The following ARID5B variants were observed in gnomAD, a reference collection of about 807,000 sequenced individuals.
ARID5B encodes the protein AT-rich interactive domain-containing protein 5B.
In ARID5B, 13 loss-of-function variants were observed where a neutral mutation model predicts 97.2. That is an observed-to-expected ratio of 0.13 (90% CI 0.09 to 0.21). The LOEUF (loss-of-function observed/expected upper bound fraction) is 0.21. ARID5B is among the 10% of genes least tolerant of loss of function. The pLI is 1.00. For missense variants in ARID5B, 1,210 were observed against 1,465.3 expected, an observed-to-expected ratio of 0.83 and a Z score of 2.84; for synonymous variants, 556 against 570.3, an observed-to-expected ratio of 0.97 and a Z score of 0.36.
At chr10:62,012,691 A>C (rs914488591) in intron 4 of ARID5B, among the ~76,000 whole-genome samples, 2 of 152,124 alleles carry the variant, frequency 1.3e-5, no homozygotes, top group Non-Finnish European at 2.9e-5. Flanking sequence ...AGTGTTATCG[A>C]TTTCCCTCCA....
intron 2 of ARID5B, among the ~76,000 whole-genome samples, chr10:61,926,365 A>G (rs531048140): frequency 6.6e-6 from 1 of 152,244 alleles, no homozygotes; most frequent in Non-Finnish European, 1.5e-5. Flanking sequence ...GTTTTCCAGA[A>G]AGAAGATGAT....
intron 4 of ARID5B, among the ~76,000 whole-genome samples, chr10:62,007,486 C>G: frequency 6.6e-6 from 1 of 152,134 alleles, no homozygotes; most frequent in East Asian, 1.9e-4. Context: ...AGGGGAGTGA[C>G]AAAATGTGAG....
At chr10:61,983,480 T>A (rs527349570) in intron 3 of ARID5B, among the ~76,000 whole-genome samples, 68 of 152,332 alleles carry the variant, frequency 4.5e-4, no homozygotes, top group African/African-American at 1.5e-3. Flanking sequence ...TTGTGAAAAG[T>A]CGCTAAATGG....
At chr10:61,909,332 T>G (rs925379662) in intron 2 of ARID5B, among the ~76,000 whole-genome samples, 2 of 142,682 alleles carry the variant, frequency 1.4e-5, no homozygotes, top group Non-Finnish European at 3.1e-5. Flanking sequence ...TTTTTTTTTT[T>G]TTTTTTTTTT....
In ARID5B at chr10:62,092,549, G is replaced by A. The variant is rs755680117; in HGVS notation, c.3086G>A (p.Arg1029Gln). 2.5e-6 allele frequency: 4 copies of A among 1,614,162 alleles called. No homozygotes were observed. Among genetic ancestry groups the A allele is most frequent in the East Asian group, 2.2e-5 (1 of 44,878 alleles). ...CTTGTGATTGCAGGGAAAAAGGCCC[G>A]GGCAGTGTCTCCCTTAGACCCATCC... ...LDLVIAGKKA[R>Q]AVSPLDPSKE... is the part of the protein sequence containing the mutation. Residue 1029 changes from arginine to glutamine, a missense_variant, in exon 10 of 10, where the codon CGG (arginine) becomes CAG (glutamine). Physicochemically the swap from Arg to Gln is conservative, Grantham distance 43. Coordinates refer to ENST00000279873, the MANE Select transcript of ARID5B (RefSeq NM_032199.3).
intron 4 of ARID5B, among the ~76,000 whole-genome samples, chr10:62,012,213 G>A (rs1589257634): frequency 6.6e-6 from 1 of 152,024 alleles, no homozygotes; most frequent in African/African-American, 2.4e-5. Flanking sequence ...AAGGAAGCTC[G>A]CGTTAACCAT....
At chr10:62,041,670 C>CAAAAA (rs965684637) in intron 4 of ARID5B, among the ~76,000 whole-genome samples, 1 of 152,008 alleles carries the variant, frequency 6.6e-6, no homozygotes, top group Non-Finnish European at 1.5e-5. Context: ...ACATACACAC[C>CAAAAA]AAAACAAAAA....
intron 3 of ARID5B, among the ~76,000 whole-genome samples, chr10:61,980,012 GA>G (rs1193794331): frequency 5.9e-5 from 9 of 152,048 alleles, no homozygotes; most frequent in Admixed American, 3.3e-4. Flanking sequence ...AGAATCACTT[GA>G]ACCCGGGAGG....
At chr10:62,073,356 G>A (rs1405042772) in intron 8 of ARID5B, among the ~76,000 whole-genome samples, 18 of 152,208 alleles carry the variant, frequency 1.2e-4, no homozygotes, top group Admixed American at 9.8e-4. Context: ...AATGTAGCCA[G>A]TTCCTCAGTA....
chr10:62,003,134 A>G (rs1839102151), intron 4 of ARID5B, among the ~76,000 whole-genome samples: 1 of 152,238 alleles, frequency 6.6e-6, no homozygotes, highest in Non-Finnish European at 1.5e-5. Context: ...TTCTTCTATT[A>G]AATGCGATTA....
In ARID5B at chr10:61,940,317, T is replaced by C; in HGVS notation, c.411T>C (p.Asn137=). 1.9e-6 allele frequency: 3 copies of C among 1,614,114 alleles called. No homozygotes were observed. The highest frequency in any genetic ancestry group is 1.1e-5 in the South Asian group (1 of 91,080). ...TGAAAACTGAGGCCTTGGGAAGGAA[T>C]GGACAGAAGGAAGCTCTGCTGAAGT... ...GPVKTEALGR[N]GQKEALLKYR... is the part of the protein sequence containing the mutation. Residue 137 remains asparagine, a synonymous_variant, in exon 3 of 10, where the codon AAT becomes AAC. Transcript: ENST00000279873.
chr10:62,093,709 TTTTTGTTTTTG>T lies in ARID5B; in HGVS notation c.*691_*701del, dbSNP rs1840423169. The T allele has an allele frequency of 8.6e-6, 2 of 232,194 alleles. No homozygotes were observed. The highest frequency in any genetic ancestry group is 5.7e-5 in the Admixed American group (1 of 17,616). The allele number at this position is 232,194 out of a possible 1,614,324, so 14.4% of individuals were successfully genotyped here. ...ATGGTATTGCTTTTGTTTGCAGGTC[TTTTTGTTTTTG>T]TTTTGTTTTTGAGGCTGACTGACTG... On this transcript the variant is annotated 3_prime_UTR_variant, in exon 10 of 10. Coordinates refer to ENST00000279873, the MANE Select transcript of ARID5B (RefSeq NM_032199.3).
chr10:62,061,381 G>A lies in ARID5B; in HGVS notation c.1101+2086G>A, dbSNP rs569050342. Among the ~76,000 whole-genome samples the A allele has an allele frequency of 2.0e-5, 3 of 152,318 alleles. No individual in the cohort carries two copies. The South Asian group carries it at 6.2e-4, about 32-fold the overall frequency. On this transcript the variant is annotated intron_variant, in intron 7 of 9. Coordinates refer to ENST00000279873, the MANE Select transcript of ARID5B (RefSeq NM_032199.3). ...ATCAAATAAGGGAAAATATATGGAG[G>A]TAGAATAAGGTTGGGCATGGAGAGT...
intron 7 of ARID5B, among the ~76,000 whole-genome samples, chr10:62,068,594 G>T (rs1343226663): frequency 6.6e-6 from 1 of 151,290 alleles, no homozygotes; most frequent in South Asian, 2.1e-4. Flanking sequence ...TGGCAGCCTC[G>T]TGGGTATTTT....
chr10:61,919,369 G>T (rs78981031), intron 2 of ARID5B, among the ~76,000 whole-genome samples: 5 of 151,986 alleles, frequency 3.3e-5, no homozygotes, highest in Non-Finnish European at 7.4e-5. Context: ...CCACCCCACC[G>T]TCTTCCTCAT....
chr10:61,962,187 C>G (rs961610003), intron 3 of ARID5B, among the ~76,000 whole-genome samples: 2 of 152,202 alleles, frequency 1.3e-5, no homozygotes, highest in African/African-American at 4.8e-5. Context: ...CAGAAATTGC[C>G]TCGCCAAAGG....
intron 3 of ARID5B, among the ~76,000 whole-genome samples, chr10:61,998,156 G>C (rs1227626048): frequency 1.3e-5 from 2 of 152,182 alleles, no homozygotes; most frequent in Non-Finnish European, 2.9e-5. Context: ...GAGGAACTAA[G>C]TGAACATAAT....
intron 4 of ARID5B, chr10:62,046,658 G>C (rs1223027707): frequency 6.6e-6 from 1 of 152,176 alleles, no homozygotes; most frequent in Non-Finnish European, 1.5e-5. Context: ...TGAGTAAGAG[G>C]AACAGATGGG....
chr10:61,917,993 G>A (rs1007937619), intron 2 of ARID5B, among the ~76,000 whole-genome samples: 1 of 152,178 alleles, frequency 6.6e-6, no homozygotes, highest in African/African-American at 2.4e-5. Flanking sequence ...ATGAGGGTAA[G>A]AGATGAGAAA....
Sources: gnomAD v4.1 joint callset for allele counts (sites outside exome capture counted in the v4.1 genomes callset) on GRCh38, gnomAD v4.1.1 for gene constraint, MANE v1.5 for transcripts, NCBI Gene and HGNC (gene_info 2026-07-23, HGNC 2026-07-21) for gene names.